PSMA8: variants seen among roughly 807,000 people sequenced by gnomAD.
The protein encoded by PSMA8 is proteasome 20S subunit alpha 8.
Under a neutral mutation model 32.4 loss-of-function variants are expected in PSMA8, and 18 were observed. The observed-to-expected ratio is 0.56, with a 90% CI of 0.38 to 0.82. PSMA8 has a LOEUF of 0.82. Ranked by LOEUF, PSMA8 falls within the 40% of genes least tolerant of loss-of-function variation. PSMA8 has a pLI of 0.00. For missense variants in PSMA8, 298 were observed against 300.7 expected, an observed-to-expected ratio of 0.99 and a Z score of 0.07; for synonymous variants, 104 against 98.1, an observed-to-expected ratio of 1.06 and a Z score of -0.36.
chr18:26,185,591 C>G (rs2055346532), intron 6 of PSMA8, among the ~76,000 whole-genome samples: 1 of 150,758 alleles, frequency 6.6e-6, no homozygotes, highest in Non-Finnish European at 1.5e-5. Context: ...AGAACAGTCT[C>G]TAGAAGATTC....
intron 3 of PSMA8, among the ~76,000 whole-genome samples, chr18:26,154,303 T>A (rs567710993): frequency 6.7e-6 from 1 of 149,526 alleles, no homozygotes; most frequent in Non-Finnish European, 1.5e-5. Flanking sequence ...TGCCCTATTT[T>A]GATTTCTTGA....
chr18:26,178,210 C>A (rs923934398), intron 4 of PSMA8, among the ~76,000 whole-genome samples: 1 of 151,926 alleles, frequency 6.6e-6, no homozygotes, highest in South Asian at 2.1e-4. Flanking sequence ...AAAGTGAGAC[C>A]CTGTTTCAAA....
At chr18:26,141,817 G>A (rs1296009988) in intron 1 of PSMA8, among the ~76,000 whole-genome samples, 1 of 147,718 alleles carries the variant, frequency 6.8e-6, no homozygotes, top group East Asian at 2.0e-4. Context: ...CTCCTGAGTA[G>A]CTGGAACTAC....
chr18:26,179,988 C>T (rs955378903), intron 6 of PSMA8, among the ~76,000 whole-genome samples: 1 of 151,018 alleles, frequency 6.6e-6, no homozygotes, highest in Admixed American at 6.6e-5. Context: ...CGGTGGCTCA[C>T]ACCTGTAATC....
chr18:26,167,691 G>A (rs906428559), intron 4 of PSMA8, among the ~76,000 whole-genome samples: 3 of 152,154 alleles, frequency 2.0e-5, no homozygotes, highest in Admixed American at 6.5e-5. Context: ...CAAGAAGAAA[G>A]GCCTTGTGAG....
At chr18:26,141,327 A>T (rs182399617) in intron 1 of PSMA8, among the ~76,000 whole-genome samples, 49 of 152,266 alleles carry the variant, frequency 3.2e-4, no homozygotes, top group Non-Finnish European at 1.0e-4. Flanking sequence ...TTTGATATTA[A>T]CATATTCATT....
At chr18:26,157,821 G>T (rs1254658053) in intron 3 of PSMA8, among the ~76,000 whole-genome samples, 1 of 152,104 alleles carries the variant, frequency 6.6e-6, no homozygotes, top group African/African-American at 2.4e-5. Flanking sequence ...CATGAAACAG[G>T]TCTCTGCTAT....
intron 4 of PSMA8, chr18:26,171,304 C>G: frequency 6.6e-7 from 1 of 1,508,400 alleles, no homozygotes; most frequent in Non-Finnish European, 8.7e-7. Flanking sequence ...GCGGGAGGAC[C>G]TCCGAGCCCG....
At chr18:26,158,048 A>G in intron 3 of PSMA8, 74 bp from the exon 4 acceptor site, 1 of 975,398 alleles carries the variant, frequency 1.0e-6, no homozygotes, top group Non-Finnish European at 1.5e-6. Flanking sequence ...TCATTTGGGC[A>G]GCAATGCTTT....
intron 2 of PSMA8, among the ~76,000 whole-genome samples, chr18:26,145,047 T>C (rs2144280039): frequency 6.6e-6 from 1 of 152,328 alleles, no homozygotes; most frequent in Non-Finnish European, 1.5e-5. Flanking sequence ...GCTGAGAGTG[T>C]ATTCAGATTT....
chr18:26,144,833 C>T, intron 2 of PSMA8, 148 bp downstream of exon 2: 1 of 611,806 alleles, frequency 1.6e-6, no homozygotes, highest in Non-Finnish European at 2.5e-6. Flanking sequence ...CAAATACTAA[C>T]TTTGTAAACC....
chr18:26,144,823 C>A, intron 2 of PSMA8, 138 bp downstream of exon 2: 1 of 665,048 alleles, frequency 1.5e-6, no homozygotes, highest in Non-Finnish European at 2.3e-6. Context: ...CGTTTTAAAG[C>A]AAATACTAAC....
chr18:26,158,964 C>A lies in PSMA8; in HGVS notation c.477+720C>A, dbSNP rs547650621. Among the ~76,000 whole-genome samples, 28 of 152,170 alleles carry A rather than the reference C, an allele frequency of 1.8e-4. No homozygotes were observed. In the East Asian group the frequency reaches 3.9e-3, roughly 21 times the overall value. ...CTCCAGCCCAGGTGACAGAGCAAGA[C>A]CCTGTCTGAAAAACACCAACCAAAC... is the stretch of plus-strand genomic sequence containing the variant. On this transcript the variant is annotated intron_variant, in intron 4 of 6. Transcript: ENST00000415576.
chr18:26,172,268 A>G (rs1170337978), intron 4 of PSMA8, among the ~76,000 whole-genome samples: 1 of 152,260 alleles, frequency 6.6e-6, no homozygotes, highest in Non-Finnish European at 1.5e-5. Context: ...GCTGATCTGT[A>G]GCAGGGAACA....
intron 1 of PSMA8, among the ~76,000 whole-genome samples, chr18:26,137,691 C>G (rs2054923833): frequency 6.6e-6 from 1 of 151,920 alleles, no homozygotes. Flanking sequence ...AAACATGATG[C>G]TAGGTCACAT....
intron 1 of PSMA8, among the ~76,000 whole-genome samples, chr18:26,139,136 A>T (rs574490955): frequency 6.6e-6 from 1 of 152,358 alleles, no homozygotes; most frequent in South Asian, 2.1e-4. Flanking sequence ...CGAATGTCAC[A>T]TCAGGGATTA....
intron 6 of PSMA8, among the ~76,000 whole-genome samples, chr18:26,191,172 T>C (rs1160401795): frequency 1.3e-5 from 2 of 152,236 alleles, no homozygotes; most frequent in African/African-American, 4.8e-5. Flanking sequence ...ATTCTAGTGA[T>C]GGACTAATAG....
chr18:26,143,753 G>A lies in PSMA8; in HGVS notation c.103-806G>A, dbSNP rs993011967. Among the ~76,000 whole-genome samples the A allele has an allele frequency of 2.6e-5, 4 of 151,412 alleles. No homozygotes were observed. The South Asian group carries it at 8.3e-4, about 31-fold the overall frequency. On this transcript the variant is annotated intron_variant, in intron 1 of 6. Transcript: ENST00000415576. ...TCTTTTTTTTTTGAGCTTGAGTCTC[G>A]CTCTGTTGCCCAGGCTGGAGTGCAG... is the stretch of plus-strand genomic sequence containing the variant.
In PSMA8 at chr18:26,140,481, C is replaced by T. The variant is rs149527446; in HGVS notation, c.103-4078C>T. 4.4e-3 allele frequency among the ~76,000 whole-genome samples: 674 copies of T among 152,302 alleles called. 6 individuals are homozygous for T. Among genetic ancestry groups the T allele is most frequent in the African/African-American group, 0.015 (636 of 41,560 alleles). On this transcript the variant is annotated intron_variant, in intron 1 of 6. Coordinates refer to ENST00000415576, the MANE Select transcript of PSMA8 (RefSeq NM_001025096.2). Reference sequence around the variant, plus strand: ...TCTCACTCTCTTCAAAGTGTCTTTTCGTATTTCTGTGCTTTGGTCTCTCAC... The same window carrying T: ...TCTCACTCTCTTCAAAGTGTCTTTTTGTATTTCTGTGCTTTGGTCTCTCAC...
Sources: gnomAD v4.1 joint callset for allele counts (sites outside exome capture counted in the v4.1 genomes callset) on GRCh38, gnomAD v4.1.1 for gene constraint, MANE v1.5 for transcripts, NCBI Gene and HGNC (gene_info 2026-07-23, HGNC 2026-07-21) for gene names.